Variants in CSMD3 observed in about 807,000 individuals in gnomAD.
CSMD3 encodes the protein CUB and sushi domain-containing protein 3.
A neutral mutation model predicts 435.2 loss-of-function variants in CSMD3; 177 were observed. The observed-to-expected ratio is 0.41, with a 90% CI of 0.36 to 0.46. The LOEUF (loss-of-function observed/expected upper bound fraction) is 0.46. CSMD3 is among the 20% of genes least tolerant of loss of function. The pLI, the probability that CSMD3 is intolerant of heterozygous loss-of-function variation, is 0.34. For missense variants in CSMD3, 4,265 were observed against 4,504.6 expected (o/e 0.95, Z 1.52); for synonymous variants, 1,656 against 1,520.5 (o/e 1.09, Z -2.07).
chr8:113,040,701 T>C (rs2087568417), intron 5 of CSMD3, among the ~76,000 whole-genome samples: 1 of 152,110 alleles, frequency 6.6e-6, no homozygotes, highest in African/African-American at 2.4e-5. Context: ...AAGCTCAGTG[T>C]TGGAGATGTT....
chr8:113,045,626 C>A (rs2087796933), intron 5 of CSMD3, among the ~76,000 whole-genome samples: 1 of 149,324 alleles, frequency 6.7e-6, no homozygotes, highest in South Asian at 2.1e-4. Flanking sequence ...ATATGCTATA[C>A]CATGAAGACT....
At chr8:113,404,897 A>G (rs2094525906) in intron 1 of CSMD3, among the ~76,000 whole-genome samples, 1 of 151,468 alleles carries the variant, frequency 6.6e-6, no homozygotes, top group Non-Finnish European at 1.5e-5. Context: ...CCCTTAAAAA[A>G]TATAAATTAT....
intron 13 of CSMD3, among the ~76,000 whole-genome samples, chr8:112,756,750 TA>T (rs893056208): frequency 7.3e-4 from 110 of 150,080 alleles, no homozygotes; most frequent in Non-Finnish European, 1.4e-3. Context: ...CTCCCTCCTT[TA>T]AAAAAAATTA....
chr8:113,065,388 T>C (rs2088807742), intron 5 of CSMD3, among the ~76,000 whole-genome samples: 1 of 151,070 alleles, frequency 6.6e-6, no homozygotes, highest in African/African-American at 2.4e-5. Context: ...CATGTTTTTG[T>C]TTGTTTGTTT....
chr8:112,303,972 G>A (rs1041076459), intron 52 of CSMD3, among the ~76,000 whole-genome samples: 3 of 151,988 alleles, frequency 2.0e-5, no homozygotes, highest in Non-Finnish European at 4.4e-5. Context: ...AAACAAAACA[G>A]ACAATAAATG....
At chr8:112,533,800 C>T (rs1825777011) in intron 27 of CSMD3, among the ~76,000 whole-genome samples, 1 of 151,996 alleles carries the variant, frequency 6.6e-6, no homozygotes, top group Non-Finnish European at 1.5e-5. Context: ...AGATTGTATC[C>T]AGCTGCTGCA....
intron 59 of CSMD3, among the ~76,000 whole-genome samples, chr8:112,268,358 T>C (rs1272313942): frequency 6.6e-6 from 1 of 152,228 alleles, no homozygotes; most frequent in Non-Finnish European, 1.5e-5. Flanking sequence ...TCATTTATGA[T>C]AAATCTAAGT....
intron 32 of CSMD3, among the ~76,000 whole-genome samples, chr8:112,414,104 T>C (rs1811647485): frequency 6.6e-6 from 1 of 152,176 alleles, no homozygotes; most frequent in Non-Finnish European, 1.5e-5. Flanking sequence ...AAATTCCCAC[T>C]TTTTCTTGCT....
At chr8:112,698,431 C>G (rs1170479157) in intron 13 of CSMD3, among the ~76,000 whole-genome samples, 3 of 150,324 alleles carry the variant, frequency 2.0e-5, no homozygotes, top group African/African-American at 7.4e-5. Context: ...CAATAAAGCT[C>G]TATAGAAACA....
chr8:112,452,408 T>C lies in CSMD3; in HGVS notation c.5395+20183A>G, dbSNP rs139199935. ...AACTTTTCATGTCTAGTTTACATTA[T>C]TTCTGAAAATGTGTACATGTTGATT... On this transcript the variant is annotated intron_variant, in intron 32 of 70. Transcript: ENST00000297405. Among the ~76,000 whole-genome samples the C allele has an allele frequency of 2.4e-3, 369 of 152,294 alleles. 1 individual carries two copies. Among genetic ancestry groups the C allele is most frequent in the African/African-American group, 7.3e-3 (303 of 41,574 alleles).
chr8:112,874,315 T>C (rs145793190), intron 10 of CSMD3, among the ~76,000 whole-genome samples: 6,140 of 152,076 alleles, frequency 0.04, 421 homozygotes, highest in African/African-American at 0.14. Flanking sequence ...TGATGAGGAG[T>C]GTTTTACTTC....
intron 17 of CSMD3, 52 bp downstream of exon 17, chr8:112,666,225 C>A (rs2075521237): frequency 1.5e-6 from 2 of 1,353,754 alleles, no homozygotes; most frequent in Non-Finnish European, 1.0e-6. Flanking sequence ...AGAATGTCAA[C>A]TAATCTTTTA....
At chr8:112,847,631 C>T (rs558991219) in intron 11 of CSMD3, among the ~76,000 whole-genome samples, 14 of 152,240 alleles carry the variant, frequency 9.2e-5, no homozygotes, top group African/African-American at 3.4e-4. Context: ...CTATAGTCTG[C>T]AGAAAAGTGA....
chr8:112,795,964 T>A (rs1257968393), intron 13 of CSMD3, among the ~76,000 whole-genome samples: 1 of 151,264 alleles, frequency 6.6e-6, no homozygotes, highest in Non-Finnish European at 1.5e-5. Flanking sequence ...TATATGAAAA[T>A]AAAAAAAAAT....
chr8:112,376,751 G>A (rs1828980306), intron 38 of CSMD3, among the ~76,000 whole-genome samples: 1 of 152,018 alleles, frequency 6.6e-6, no homozygotes, highest in South Asian at 2.1e-4. Flanking sequence ...TCTACCTCTA[G>A]GTGCTATGTC....
chr8:112,638,842 C>G lies in CSMD3; in HGVS notation c.3380G>C (p.Gly1127Ala). Residue 1127 changes from glycine to alanine, a missense_variant, in exon 21 of 71, where the codon GGC becomes GCC. Transcript: ENST00000297405. ...GCGTGCCAGTGGTTGGGTAAAACTG[C>G]CATTCTCTGTGATCAGTAAGTAGTC... ...HHDYLLITEN[G>A]SFTQPLARLT... is the part of the protein sequence containing the mutation. The G allele has an allele frequency of 6.2e-7, 1 of 1,613,134 alleles. No individual in the cohort carries two copies. The highest frequency in any genetic ancestry group is 1.7e-4 in the Middle Eastern group (1 of 6,058).
intron 10 of CSMD3, among the ~76,000 whole-genome samples, chr8:112,884,652 G>C (rs759172097): frequency 6.0e-5 from 9 of 151,114 alleles, no homozygotes; most frequent in African/African-American, 2.2e-4. Context: ...TTCCCATTAA[G>C]AGCCACTAAT....
chr8:112,807,402 C>T (rs1008100581), intron 12 of CSMD3, among the ~76,000 whole-genome samples: 5 of 152,108 alleles, frequency 3.3e-5, no homozygotes, highest in South Asian at 2.1e-4. Flanking sequence ...ACCTCTTATA[C>T]GACATTTTGA....
At chr8:112,794,763 A>G (rs1033429429) in intron 13 of CSMD3, among the ~76,000 whole-genome samples, 2 of 152,182 alleles carry the variant, frequency 1.3e-5, no homozygotes, top group African/African-American at 4.8e-5. Context: ...AAAGAGAGAA[A>G]GAGAAAAAAA....
Sources: allele counts gnomAD v4.1 joint callset (sites outside exome capture counted in the v4.1 genomes callset), GRCh38; gene constraint gnomAD v4.1.1; transcripts MANE v1.5; gene names NCBI Gene and HGNC (gene_info 2026-07-23, HGNC 2026-07-21).